Variants in ARHGAP18 observed in about 807,000 individuals in gnomAD.
ARHGAP18 encodes rho GTPase-activating protein 18.
Under a neutral mutation model 86.2 loss-of-function variants are expected in ARHGAP18, and 67 were observed. The observed-to-expected ratio is 0.78, with a 90% CI of 0.64 to 0.95. ARHGAP18 has a LOEUF of 0.95. ARHGAP18 is among the 40% of genes least tolerant of loss of function. The pLI, the probability that ARHGAP18 is intolerant of heterozygous loss-of-function variation, is 0.00. For synonymous variants in ARHGAP18, 283 were observed against 280.4 expected (o/e 1.01, Z -0.09); for missense variants, 691 against 780.4 (o/e 0.89, Z 1.37).
chr6:129,629,528 G>A lies in ARHGAP18; in HGVS notation c.617-6C>T. ...AACAAGGTTAGATGCCTCGTCTAGG[G>A]GCCCGGGGGGAAAGAACCCAATTCA... On this transcript the variant is annotated splice_region_variant and splice_polypyrimidine_tract_variant and intron_variant, in intron 4 of 14. Coordinates refer to ENST00000368149, the MANE Select transcript of ARHGAP18 (RefSeq NM_033515.3). 6.2e-7 allele frequency: 1 copy of A among 1,600,136 alleles called. No homozygotes were observed. Among genetic ancestry groups the A allele is most frequent in the Non-Finnish European group, 8.5e-7 (1 of 1,176,092 alleles).
chr6:129,698,592 G>C (rs1169219141), intron 1 of ARHGAP18, among the ~76,000 whole-genome samples: 1 of 151,292 alleles, frequency 6.6e-6, no homozygotes, highest in Non-Finnish European at 1.5e-5. Context: ...ACCCAGGCTG[G>C]AGTGCAGTAA....
rs1322990932 is a variant in ARHGAP18 at position 129,626,105 on chromosome 6, C to CAT, written c.786+3246_786+3247dup. 5.0e-4 allele frequency among the ~76,000 whole-genome samples: 63 copies of CAT among 124,908 alleles called. 2 individuals are homozygous for CAT. The East Asian group carries it at 6.8e-3, about 14-fold the overall frequency. 81.9% of individuals were successfully genotyped at this position (124,908 alleles called of 152,430 possible). ...ACACACACACACACACACACACACA[C>CAT]ATATATAGAAGAAAAGCCTGGAAAC... On this transcript the variant is annotated intron_variant, in intron 5 of 14. Coordinates refer to ENST00000368149, the MANE Select transcript of ARHGAP18 (RefSeq NM_033515.3).
intron 4 of ARHGAP18, among the ~76,000 whole-genome samples, chr6:129,630,103 A>G (rs1773169373): frequency 6.6e-6 from 1 of 152,226 alleles, no homozygotes; most frequent in Admixed American, 6.5e-5. Context: ...TACCTGGTAC[A>G]GGAATGGTTG....
At chr6:129,606,070 A>T in intron 9 of ARHGAP18, 111 bp from the exon 10 acceptor site, 1 of 969,608 alleles carries the variant, frequency 1.0e-6, no homozygotes, top group Admixed American at 2.1e-5. Flanking sequence ...TGACTGTAAA[A>T]TGTAAGACAC....
At chr6:129,709,287 G>GA (rs556793081) in intron 1 of ARHGAP18, among the ~76,000 whole-genome samples, 19 of 145,518 alleles carry the variant, frequency 1.3e-4, no homozygotes, top group South Asian at 4.3e-4. Context: ...AGGAGAGAAA[G>GA]AAAAAAAAAA....
At chr6:129,642,789 T>C (rs377174390) in intron 1 of ARHGAP18, among the ~76,000 whole-genome samples, 2 of 152,290 alleles carry the variant, frequency 1.3e-5, no homozygotes, top group East Asian at 1.9e-4. Context: ...CATTTTATTT[T>C]TGAAATCAAA....
chr6:129,660,958 C>A (rs1418380744), intron 1 of ARHGAP18, among the ~76,000 whole-genome samples: 5 of 131,822 alleles, frequency 3.8e-5, no homozygotes, highest in African/African-American at 1.4e-4. Context: ...TTGTTAAGTA[C>A]ATTAAAAACG....
intron 5 of ARHGAP18, among the ~76,000 whole-genome samples, chr6:129,620,528 A>C (rs1789205493): frequency 6.6e-6 from 1 of 152,260 alleles, no homozygotes; most frequent in Admixed American, 6.5e-5. Flanking sequence ...TAAAAAGGCA[A>C]ATTTCACTAG....
intron 1 of ARHGAP18, among the ~76,000 whole-genome samples, chr6:129,651,003 G>C (rs1433072127): frequency 6.6e-6 from 1 of 152,004 alleles, no homozygotes; most frequent in East Asian, 1.9e-4. Flanking sequence ...GTGTTCCTTG[G>C]GGGCAAGAAT....
At chr6:129,634,674 G>C (rs1486965518) in intron 3 of ARHGAP18, among the ~76,000 whole-genome samples, 1 of 151,990 alleles carries the variant, frequency 6.6e-6, no homozygotes, top group Non-Finnish European at 1.5e-5. Flanking sequence ...GAAAGATGGG[G>C]AAGGTCTGTT....
At chr6:129,600,220 C>T (rs72982630) in intron 11 of ARHGAP18, among the ~76,000 whole-genome samples, 9,094 of 152,116 alleles carry the variant, frequency 0.06, 332 homozygotes, top group South Asian at 0.091. Context: ...GCCTCTCATC[C>T]ACTTCCATCC....
chr6:129,639,365 A>G (rs1389582566), intron 2 of ARHGAP18, among the ~76,000 whole-genome samples: 1 of 152,228 alleles, frequency 6.6e-6, no homozygotes, highest in African/African-American at 2.4e-5. Context: ...TCCAACCATC[A>G]TATTTATAGA....
At chr6:129,690,145 A>G (rs977290233) in intron 1 of ARHGAP18, among the ~76,000 whole-genome samples, 5 of 142,802 alleles carry the variant, frequency 3.5e-5, no homozygotes, top group African/African-American at 7.8e-5. Context: ...GTGTGTGTGT[A>G]TGTGGTGTGT....
intron 1 of ARHGAP18, among the ~76,000 whole-genome samples, chr6:129,676,915 C>CTTTTTTTTTTTTTTTTT (rs10688716): frequency 2.9e-4 from 11 of 37,996 alleles, no homozygotes; most frequent in African/African-American, 7.6e-4. Flanking sequence ...TTTTTGTCCT[C>CTTTTTTTTTTTTTTTTT]TTTTTTTTTT....
Position 129,629,444 on chromosome 6 carries a change from AG to A in ARHGAP18, c.694del (p.Leu232TrpfsTer53). ...TGCTTGCTCGGCAAATGATACCTCCAGGTTGATGTCTGTTTCAGGGGCAGGC... is the reference window on the plus strand; with the variant it reads ...TGCTTGCTCGGCAAATGATACCTCCAGTTGATGTCTGTTTCAGGGGCAGGC... The part of the protein sequence containing the change: ...ETPAPETDIN[L>X]EVSFAEQALN... On this transcript the variant is annotated frameshift_variant, in exon 5 of 15. Transcript: ENST00000368149. LOFTEE classifies it high-confidence loss of function. The A allele has an allele frequency of 6.2e-7, 1 of 1,613,872 alleles. No homozygotes were observed. The highest frequency in any genetic ancestry group is 8.5e-7 in the Non-Finnish European group (1 of 1,179,924).
intron 12 of ARHGAP18, among the ~76,000 whole-genome samples, chr6:129,589,610 C>T (rs981886190): frequency 2.6e-5 from 4 of 152,322 alleles, no homozygotes; most frequent in African/African-American, 9.6e-5. Context: ...TCTGAGCCCT[C>T]CAAACGGTTC....
In ARHGAP18 at chr6:129,625,075, TATATATG is replaced by T. The variant is rs1314227884; in HGVS notation, c.786+4271_786+4277del. Among the ~76,000 whole-genome samples the T allele has an allele frequency of 3.7e-3, 393 of 105,140 alleles. 53 individuals carry two copies. The highest frequency in any genetic ancestry group is 0.014 in the African/African-American group (346 of 24,772). The allele number at this position is 105,140 out of a possible 152,430, so 69.0% of individuals were successfully genotyped here. A position where few individuals can be genotyped will look rare whatever the true frequency, so the allele number is the denominator to read the frequency against. On this transcript the variant is annotated intron_variant, in intron 5 of 14. Coordinates refer to ENST00000368149, the MANE Select transcript of ARHGAP18 (RefSeq NM_033515.3). ...ATGATTGATATATATTTATATATAA[TATATATG>T]ATATATGATATATGATATATATTAT...
intron 12 of ARHGAP18, among the ~76,000 whole-genome samples, chr6:129,596,317 TCA>T (rs974307492): frequency 2.0e-5 from 3 of 152,140 alleles, no homozygotes; most frequent in African/African-American, 4.8e-5. Context: ...TAAGGTTTTT[TCA>T]CAGACTATTC....
chr6:129,651,908 G>A (rs1388417163), intron 1 of ARHGAP18, among the ~76,000 whole-genome samples: 1 of 152,126 alleles, frequency 6.6e-6, no homozygotes, highest in Admixed American at 6.5e-5. Context: ...TTAGGGAGGG[G>A]ATTCATGCTC....
Sources: allele counts gnomAD v4.1 joint callset (sites outside exome capture counted in the v4.1 genomes callset), GRCh38; gene constraint gnomAD v4.1.1; transcripts MANE v1.5; gene names NCBI Gene and HGNC (gene_info 2026-07-23, HGNC 2026-07-21).